Variants in PHF24 observed in about 807,000 individuals in gnomAD.
PHF24 encodes the protein PHD finger protein 24.
PHF24 carries 25 observed loss-of-function variants against 42.6 expected under a neutral mutation model. The ratio of observed to expected loss-of-function variants is 0.59; its 90% CI spans 0.43 to 0.82. The LOEUF is 0.82. Among genes scored for constraint, PHF24 ranks in the 40% least tolerant of loss-of-function variants. The probability of loss-of-function intolerance (pLI) is 0.00; values close to 1 mark genes in which losing one functional copy is unlikely to be tolerated. For missense variants in PHF24, 470 were observed against 538.1 expected (o/e 0.87, Z 1.25); for synonymous variants, 185 against 204.8 (o/e 0.90, Z 0.83).
chr9:34,813,340 T>A, the PHF24 span, among the ~76,000 whole-genome samples: 1 of 152,112 alleles, frequency 6.6e-6, no homozygotes, highest in Non-Finnish European at 1.5e-5. Flanking sequence ...GGCTACAGCG[T>A]TATATTGGTT....
At chr9:34,682,140 A>G in the PHF24 span, among the ~76,000 whole-genome samples, 10 of 149,714 alleles carry the variant, frequency 6.7e-5, no homozygotes, top group Non-Finnish European at 1.3e-4. Flanking sequence ...ACACCCGGCT[A>G]ATTATTTCTA....
upstream of PHF24, among the ~76,000 whole-genome samples, chr9:34,956,620 TC>T (rs1035879636): frequency 3.9e-5 from 6 of 152,330 alleles, no homozygotes; most frequent in African/African-American, 1.4e-4. Flanking sequence ...TGTTACAACC[TC>T]CTTTTCCATA....
chr9:34,740,519 G>T, the PHF24 span, among the ~76,000 whole-genome samples: 2 of 152,220 alleles, frequency 1.3e-5, no homozygotes, highest in Non-Finnish European at 2.9e-5. Flanking sequence ...AGGGCCAGCC[G>T]GCTGCTCCGA....
chr9:34,707,332 C>G, the PHF24 span, among the ~76,000 whole-genome samples: 1 of 152,210 alleles, frequency 6.6e-6, no homozygotes, highest in African/African-American at 2.4e-5. Context: ...GTGTAGGAGG[C>G]AGGTAGGAGG....
At chr9:34,710,155 C>A in the PHF24 span, 2 of 1,017,576 alleles carry the variant, frequency 2.0e-6, no homozygotes, top group South Asian at 1.4e-5. Context: ...TGGGATTGGC[C>A]TGCTATTTAT....
the PHF24 span, chr9:34,690,456 GT>G: frequency 2.1e-6 from 2 of 965,328 alleles, no homozygotes; most frequent in African/African-American, 1.6e-5. Context: ...GTGTGTGTGT[GT>G]GTGTGTGTGT....
chr9:34,948,090 CA>C, the PHF24 span, among the ~76,000 whole-genome samples: 1 of 137,674 alleles, frequency 7.3e-6, no homozygotes, highest in Admixed American at 7.8e-5. Context: ...GCCTGGGTGA[CA>C]AGAGCGAGAC....
chr9:34,748,472 G>A, the PHF24 span, among the ~76,000 whole-genome samples: 4 of 152,160 alleles, frequency 2.6e-5, no homozygotes, highest in Non-Finnish European at 4.4e-5. Flanking sequence ...AGTCCTAGTT[G>A]TGGTGGCCAC....
the PHF24 span, chr9:34,729,361 T>C: frequency 1.3e-6 from 2 of 1,551,686 alleles, no homozygotes; most frequent in African/African-American, 2.7e-5. Flanking sequence ...ACAATAACGA[T>C]GAAGATGGAG....
chr9:34,918,045 A>C, the PHF24 span: 1 of 1,323,822 alleles, frequency 7.6e-7, no homozygotes, highest in Non-Finnish European at 1.1e-6. Flanking sequence ...CTGTGATCCC[A>C]AAGGAGGCCT....
chr9:34,861,579 CT>C, the PHF24 span, among the ~76,000 whole-genome samples: 1 of 152,126 alleles, frequency 6.6e-6, no homozygotes, highest in African/African-American at 2.4e-5. Context: ...GAGGCCACCA[CT>C]GATCAAGTTG....
At chr9:34,837,030 G>A in the PHF24 span, 1 of 470,220 alleles carries the variant, frequency 2.1e-6, no homozygotes. Flanking sequence ...CACAGGCCAG[G>A]CTGGTGTTTA....
chr9:34,874,109 G>T, the PHF24 span, among the ~76,000 whole-genome samples: 1 of 152,096 alleles, frequency 6.6e-6, no homozygotes, highest in Non-Finnish European at 1.5e-5. Flanking sequence ...AGACAATGGG[G>T]TTTTCTAGAT....
At chr9:34,963,754 C>G (rs998336717) in intron 1 of PHF24, among the ~76,000 whole-genome samples, 2 of 152,174 alleles carry the variant, frequency 1.3e-5, no homozygotes, top group Admixed American at 6.5e-5. Flanking sequence ...AAATCATCCT[C>G]GTGTTCTCAT....
At chr9:34,801,078 T>C in the PHF24 span, among the ~76,000 whole-genome samples, 2 of 152,142 alleles carry the variant, frequency 1.3e-5, no homozygotes, top group African/African-American at 4.8e-5. Context: ...TCATCATTGG[T>C]CATCAAAGAA....
the PHF24 span, among the ~76,000 whole-genome samples, chr9:34,925,714 T>C: frequency 5.2e-4 from 79 of 152,312 alleles, 2 homozygotes; most frequent in East Asian, 0.014. Context: ...TGTCTATCTG[T>C]ATTTTTCTTG....
At chr9:34,809,048 A>AT in the PHF24 span, among the ~76,000 whole-genome samples, 1 of 58,054 alleles carries the variant, frequency 1.7e-5, no homozygotes, top group East Asian at 1.4e-3. The surrounding 1 kb of genome is among the most constrained non-coding windows in gnomAD (Gnocchi z 4.1). Flanking sequence ...AAAAAAAAAA[A>AT]ATAATAAATA....
chr9:34,815,369 C>T, the PHF24 span, among the ~76,000 whole-genome samples: 9 of 152,272 alleles, frequency 5.9e-5, no homozygotes, highest in South Asian at 1.7e-3. Flanking sequence ...GTCACCCAGG[C>T]TGGAGTGCAG....
At chr9:34,900,913 G>T in the PHF24 span, among the ~76,000 whole-genome samples, 1 of 152,178 alleles carries the variant, frequency 6.6e-6, no homozygotes, top group Non-Finnish European at 1.5e-5. Flanking sequence ...AACTGTGAGA[G>T]AATAAATTCT....
Sources: allele counts gnomAD v4.1 joint callset (sites outside exome capture counted in the v4.1 genomes callset), GRCh38; gene constraint gnomAD v4.1.1; non-coding constraint Gnocchi (gnomAD v3.1); transcripts MANE v1.5; gene names NCBI Gene and HGNC (gene_info 2026-07-23, HGNC 2026-07-21).